RALGPS1: variants seen among roughly 807,000 people sequenced by gnomAD.
RALGPS1 encodes the protein ras-specific guanine nucleotide-releasing factor RalGPS1.
A neutral mutation model predicts 78.8 loss-of-function variants in RALGPS1; 19 were observed. The observed-to-expected ratio is 0.24, with a 90% CI of 0.17 to 0.35. The LOEUF (loss-of-function observed/expected upper bound fraction) is 0.35, where lower values mean the gene tolerates loss of function less well. Ranked by LOEUF, RALGPS1 falls within the 10% of genes least tolerant of loss-of-function variation. RALGPS1 has a pLI of 1.00. For missense variants in RALGPS1, 454 were observed against 688.3 expected (o/e 0.66, Z 3.81); for synonymous variants, 228 against 256.3 (o/e 0.89, Z 1.06).
chr9:127,069,519 C>G (rs1209559907), intron 8 of RALGPS1, 163 bp downstream of exon 8: 1 of 709,224 alleles, frequency 1.4e-6, no homozygotes, highest in Non-Finnish European at 2.3e-6. Flanking sequence ...TGGTACTTCC[C>G]AAGGTTGGAA....
intron 4 of RALGPS1, among the ~76,000 whole-genome samples, chr9:127,027,684 T>C (rs2046075955): frequency 6.6e-6 from 1 of 152,216 alleles, no homozygotes; most frequent in Non-Finnish European, 1.5e-5. Flanking sequence ...ATCCATAAAC[T>C]ATGGCACATT....
At chr9:127,200,707 C>T (rs931116626) in intron 14 of RALGPS1, among the ~76,000 whole-genome samples, 16 of 152,226 alleles carry the variant, frequency 1.1e-4, no homozygotes, top group Non-Finnish European at 1.9e-4. Context: ...GGAGCCACCC[C>T]GGCAGTGGGG....
At chr9:126,993,716 C>T (rs142844382) in intron 4 of RALGPS1, among the ~76,000 whole-genome samples, 8 of 152,064 alleles carry the variant, frequency 5.3e-5, no homozygotes, top group Non-Finnish European at 1.0e-4. Context: ...GATCTGAGAA[C>T]GGGCAGACTG....
Position 126,977,738 on chromosome 9 carries a change from A to T in RALGPS1, c.209A>T (p.Gln70Leu). Reference protein sequence around the residue: ...LMDIPVFKAIQPEELASCGWS... With the variant: ...LMDIPVFKAILPEELASCGWS... ...GATATACCTGTGTTTAAAGCTATCC[A>T]GCCGGAGGTCTGTACTTTGTCTTTC... is the stretch of plus-strand genomic sequence containing the variant. The change falls in exon 4 of 19, where the codon CAG becomes CTG. Residue 70 changes from glutamine to leucine, a missense_variant. Coordinates refer to ENST00000259351, the MANE Select transcript of RALGPS1 (RefSeq NM_014636.3). The T allele has an allele frequency of 6.2e-7, 1 of 1,602,554 alleles. No individual in the cohort carries two copies. Among genetic ancestry groups the T allele is most frequent in the Non-Finnish European group, 8.5e-7 (1 of 1,173,696 alleles).
At chr9:127,116,776 T>C (rs1344533899) in intron 8 of RALGPS1, among the ~76,000 whole-genome samples, 1 of 152,200 alleles carries the variant, frequency 6.6e-6, no homozygotes. Flanking sequence ...TGTGTCTGCC[T>C]CACTGATCCC....
At chr9:127,161,953 T>C (rs1324575707) in intron 8 of RALGPS1, among the ~76,000 whole-genome samples, 4 of 152,222 alleles carry the variant, frequency 2.6e-5, no homozygotes, top group Non-Finnish European at 5.9e-5. Context: ...TTCTTATGAA[T>C]CGATAATCTG....
intron 8 of RALGPS1, among the ~76,000 whole-genome samples, chr9:127,074,770 G>C (rs1365405455): frequency 1.3e-5 from 2 of 152,260 alleles, no homozygotes; most frequent in South Asian, 2.1e-4. Context: ...GAAAGTAACA[G>C]AGCCAGGACT....
intron 11 of RALGPS1, among the ~76,000 whole-genome samples, chr9:127,177,318 TCTC>T (rs942357764): frequency 2.4e-4 from 36 of 152,130 alleles, no homozygotes; most frequent in Non-Finnish European, 5.0e-4. Flanking sequence ...CTCAGAGGGC[TCTC>T]CTCCTCCCTG....
chr9:126,943,620 A>G (rs1041206347), intron 1 of RALGPS1, among the ~76,000 whole-genome samples: 2 of 152,108 alleles, frequency 1.3e-5, no homozygotes, highest in African/African-American at 4.8e-5. Flanking sequence ...TCTCCGTGGA[A>G]TGTGGGCTGA....
chr9:127,188,904 G>A (rs1588454293), intron 11 of RALGPS1, among the ~76,000 whole-genome samples: 1 of 139,932 alleles, frequency 7.1e-6, no homozygotes, highest in East Asian at 2.3e-4. Context: ...GGAGGTTAAG[G>A]CATGAGAATC....
intron 8 of RALGPS1, among the ~76,000 whole-genome samples, chr9:127,133,224 C>G (rs2057132197): frequency 1.3e-5 from 2 of 152,218 alleles, no homozygotes; most frequent in Admixed American, 6.5e-5. Flanking sequence ...ACCGTGCACC[C>G]TGGGGAGGCT....
intron 11 of RALGPS1, among the ~76,000 whole-genome samples, chr9:127,184,527 G>A (rs1216690471): frequency 1.3e-5 from 2 of 152,192 alleles, no homozygotes; most frequent in Non-Finnish European, 2.9e-5. Context: ...CCAGTGTCCT[G>A]GAGAGCCACA....
At chr9:127,069,165 C>T in intron 7 of RALGPS1, 65 bp from the exon 8 acceptor site, 1 of 1,431,200 alleles carries the variant, frequency 7.0e-7, no homozygotes, top group Admixed American at 1.9e-5. Flanking sequence ...AGTCTTCATC[C>T]ACAGTTATCC....
intron 18 of RALGPS1, 27 bp downstream of exon 18, chr9:127,214,869 A>G: frequency 6.2e-7 from 1 of 1,612,936 alleles, no homozygotes; most frequent in Non-Finnish European, 8.5e-7. Flanking sequence ...CCTGCTTGTC[A>G]CCTGAAATAT....
intron 5 of RALGPS1, among the ~76,000 whole-genome samples, chr9:127,045,124 A>G (rs968832922): frequency 9.2e-5 from 14 of 152,186 alleles, no homozygotes; most frequent in African/African-American, 3.1e-4. Context: ...TGATATTGTC[A>G]TGTTGGATAC....
intron 8 of RALGPS1, among the ~76,000 whole-genome samples, chr9:127,071,167 A>G (rs1178702475): frequency 6.6e-6 from 1 of 151,712 alleles, no homozygotes; most frequent in African/African-American, 2.4e-5. Context: ...ATAGTTTAGT[A>G]TTTCTCATAC....
chr9:127,201,293 G>C (rs1487416938), intron 14 of RALGPS1, among the ~76,000 whole-genome samples: 2 of 152,228 alleles, frequency 1.3e-5, no homozygotes, highest in African/African-American at 4.8e-5. Context: ...CAGGGAGGAT[G>C]TCCTGTTTCT....
At chr9:127,000,798 C>T (rs2043225790) in intron 4 of RALGPS1, among the ~76,000 whole-genome samples, 3 of 151,438 alleles carry the variant, frequency 2.0e-5, no homozygotes, top group Non-Finnish European at 4.4e-5. Context: ...AGGTGATCCA[C>T]CTGCCTCAGC....
At position 127,218,799 on chromosome 9, in the gene RALGPS1, G is replaced by T; in HGVS notation, c.*30G>T. On this transcript the variant is annotated 3_prime_UTR_variant, in exon 19 of 19. Transcript: ENST00000259351. The surrounding 1 kb of genome is among the most constrained non-coding windows in gnomAD (Gnocchi z 4.4). Reference sequence around the variant, plus strand: ...CTGCAGGACGTGGCATGACTTCAGAGGCTTCTGGGAACCCAGGCTGGGCCT... The same window carrying T: ...CTGCAGGACGTGGCATGACTTCAGATGCTTCTGGGAACCCAGGCTGGGCCT... 6.2e-7 allele frequency: 1 copy of T among 1,611,270 alleles called. No homozygotes were observed. Among genetic ancestry groups the T allele is most frequent in the Non-Finnish European group, 8.5e-7 (1 of 1,177,300 alleles).
Sources: allele counts gnomAD v4.1 joint callset (sites outside exome capture counted in the v4.1 genomes callset), GRCh38; gene constraint gnomAD v4.1.1; non-coding constraint Gnocchi (gnomAD v3.1); transcripts MANE v1.5; gene names NCBI Gene and HGNC (gene_info 2026-07-23, HGNC 2026-07-21).